Variants in PRKN observed in about 807,000 individuals in gnomAD.
The protein encoded by PRKN is parkin RBR E3 ubiquitin protein ligase.
A neutral mutation model predicts 59.5 loss-of-function variants in PRKN; 56 were observed. That is an observed-to-expected ratio of 0.94 (90% CI 0.76 to 1.18). PRKN has a LOEUF of 1.18. Among genes scored for constraint, PRKN ranks in the 50% most tolerant of loss-of-function variants. PRKN has a pLI of 0.00. For synonymous variants in PRKN, 250 were observed against 222.1 expected (o/e 1.13, Z -1.12); for missense variants, 657 against 596.4 (o/e 1.10, Z -1.06).
At chr6:162,227,829 C>G (rs530720155) in intron 3 of PRKN, among the ~76,000 whole-genome samples, 2 of 152,010 alleles carry the variant, frequency 1.3e-5, no homozygotes, top group African/African-American at 4.8e-5. Context: ...AACGTGCATG[C>G]CTTCTGGACA....
chr6:162,441,930 ATTAT>A (rs1338163218), intron 2 of PRKN, among the ~76,000 whole-genome samples: 2 of 152,144 alleles, frequency 1.3e-5, no homozygotes, highest in African/African-American at 2.4e-5. Context: ...CTGTTTTAAA[ATTAT>A]TTATTTGTGA....
chr6:161,634,999 C>T (rs116470278), intron 7 of PRKN, among the ~76,000 whole-genome samples: 1,869 of 152,166 alleles, frequency 0.012, 33 homozygotes, highest in African/African-American at 0.043. Flanking sequence ...GATGTTGAAG[C>T]GGGCAGACGG....
rs535778732 is a variant in PRKN at position 161,638,195 on chromosome 6, C to T, written c.872-68779G>A. On this transcript the variant is annotated intron_variant, in intron 7 of 11. Transcript: ENST00000366898. ...TTGCCCAGGCTGGAGTGCAGTGGCA[C>T]GATCTCAGCTCACTGCAACCTCCAC... Among the ~76,000 whole-genome samples the T allele has an allele frequency of 8.0e-4, 122 of 152,016 alleles. 1 individual carries two copies. In the South Asian group the frequency reaches 0.022, roughly 27 times the overall value.
At chr6:161,854,634 G>C (rs866854039) in intron 6 of PRKN, among the ~76,000 whole-genome samples, 3 of 152,060 alleles carry the variant, frequency 2.0e-5, no homozygotes, top group African/African-American at 7.2e-5. Context: ...TTTTTTAAGA[G>C]AGTAAAGAAT....
In PRKN at chr6:162,204,783, A is replaced by C. The variant is rs1236368607; in HGVS notation, c.413-3531T>G. ...GAGTTCAGGGCCCTTTTAAAGCGTGAGTCACCGTGGCCATTCAGAGGTCCA... is the reference window on the plus strand; with the variant it reads ...GAGTTCAGGGCCCTTTTAAAGCGTGCGTCACCGTGGCCATTCAGAGGTCCA... On this transcript the variant is annotated intron_variant, in intron 3 of 11. Coordinates refer to ENST00000366898, the MANE Select transcript of PRKN (RefSeq NM_004562.3). Among the ~76,000 whole-genome samples the C allele has an allele frequency of 2.0e-5, 3 of 151,360 alleles. No individual in the cohort carries two copies. In the East Asian group the frequency reaches 5.9e-4, roughly 30 times the overall value.
chr6:162,136,187 A>G lies in PRKN; in HGVS notation c.534+64944T>C, dbSNP rs567052380. ...TCTATAATATAGAAATTGTATAGGT[A>G]TAATTTTATATATATTGTGTGTTCA... On this transcript the variant is annotated intron_variant, in intron 4 of 11. Coordinates refer to ENST00000366898, the MANE Select transcript of PRKN (RefSeq NM_004562.3). Among the ~76,000 whole-genome samples, 208 of 151,514 alleles carry G rather than the reference A, an allele frequency of 1.4e-3. 1 individual carries two copies. The highest frequency in any genetic ancestry group is 1.9e-3 in the Non-Finnish European group (132 of 67,842).
intron 7 of PRKN, among the ~76,000 whole-genome samples, chr6:161,737,236 G>A (rs2982903): frequency 0.15 from 23,376 of 152,200 alleles, 2,267 homozygotes; most frequent in Middle Eastern, 0.26. Context: ...AAGGCAAGGG[G>A]AATCCACTTA....
rs138101026 is a variant in PRKN, at chr6:162,395,634, C to A, written c.171+47676G>T. ...CTAGGCCATACGTTTTGAAGTAACT[C>A]ATTATGCAGCCATAGACACTGATAC... On this transcript the variant is annotated intron_variant, in intron 2 of 11. Coordinates refer to ENST00000366898, the MANE Select transcript of PRKN (RefSeq NM_004562.3). 3.3e-3 allele frequency among the ~76,000 whole-genome samples: 498 copies of A among 152,036 alleles called. 2 individuals carry two copies. The highest frequency in any genetic ancestry group is 5.4e-3 in the Non-Finnish European group (365 of 67,998).
At position 161,588,959 on chromosome 6, in the gene PRKN, T is replaced by C. The variant is rs1781617995; in HGVS notation, c.872-19543A>G. ...GCAAATGTAACCGGTATCCTCTAGT[T>C]TATCTGGCAGCCTTACCAAGCCATA... On this transcript the variant is annotated intron_variant, in intron 7 of 11. Coordinates refer to ENST00000366898, the MANE Select transcript of PRKN (RefSeq NM_004562.3). The surrounding 1 kb of genome is among the most constrained non-coding windows in gnomAD (Gnocchi z 5.0). 6.6e-6 allele frequency among the ~76,000 whole-genome samples: 1 copy of C among 152,196 alleles called. No homozygotes were observed. Among genetic ancestry groups the C allele is most frequent in the Admixed American group, 6.5e-5 (1 of 15,282 alleles).
intron 5 of PRKN, among the ~76,000 whole-genome samples, chr6:162,004,178 C>T (rs964669912): frequency 2.0e-5 from 3 of 152,160 alleles, no homozygotes; most frequent in Non-Finnish European, 4.4e-5. Flanking sequence ...AGCACTATCC[C>T]ACTTGGTACT....
rs765131258 is a variant in PRKN, at chr6:161,400,761, A to C, written c.1084-13884T>G. 6.6e-6 allele frequency among the ~76,000 whole-genome samples: 1 copy of C among 152,144 alleles called. No individual in the cohort carries two copies. Among genetic ancestry groups the C allele is most frequent in the Non-Finnish European group, 1.5e-5 (1 of 68,020 alleles). On this transcript the variant is annotated intron_variant, in intron 9 of 11. Transcript: ENST00000366898. This position sits in a 1 kb window ranked among gnomAD's most constrained non-coding sequence, Gnocchi z 4.2. ...AAAGAGCTGCAGGGGACAGAAAATC[A>C]GTCAAATTAAAGAAAATATGAGGCG... is the stretch of plus-strand genomic sequence containing the variant.
At chr6:162,097,521 T>C (rs4314474) in intron 4 of PRKN, among the ~76,000 whole-genome samples, 104,520 of 152,058 alleles carry the variant, frequency 0.69, 35,968 homozygotes, top group East Asian at 0.83. Context: ...TCCGTAATGG[T>C]GGTTAAGGAA....
In PRKN at chr6:161,409,934, G is replaced by A. The variant is rs1236035101; in HGVS notation, c.1084-23057C>T. ...TGCTTTTCAGGTGAGAAGCAGAATT[G>A]GAAAATATTTCAGGGAGTATTTGAA... On this transcript the variant is annotated intron_variant, in intron 9 of 11. Coordinates refer to ENST00000366898, the MANE Select transcript of PRKN (RefSeq NM_004562.3). This position sits in a 1 kb window ranked among gnomAD's most constrained non-coding sequence, Gnocchi z 4.6. Among the ~76,000 whole-genome samples the A allele has an allele frequency of 6.6e-6, 1 of 152,144 alleles. No homozygotes were observed. The highest frequency in any genetic ancestry group is 1.5e-5 in the Non-Finnish European group (1 of 68,024).
At chr6:162,122,685 A>C (rs1780962961) in intron 4 of PRKN, among the ~76,000 whole-genome samples, 1 of 152,088 alleles carries the variant, frequency 6.6e-6, no homozygotes, top group South Asian at 2.1e-4. Flanking sequence ...TCAGTAGGTG[A>C]CAACATTTGG....
chr6:161,724,165 G>A (rs1583057342), intron 7 of PRKN, among the ~76,000 whole-genome samples: 1 of 152,240 alleles, frequency 6.6e-6, no homozygotes, highest in Non-Finnish European at 1.5e-5. Context: ...CATGGAATAA[G>A]AGTCCTTATC....
At chr6:161,899,840 G>A (rs990999103) in intron 6 of PRKN, among the ~76,000 whole-genome samples, 17 of 152,126 alleles carry the variant, frequency 1.1e-4, no homozygotes, top group Admixed American at 2.0e-4. Flanking sequence ...ATGGACAACC[G>A]GGCCGGGCCA....
intron 2 of PRKN, among the ~76,000 whole-genome samples, chr6:162,438,414 T>G (rs1288974642): frequency 6.6e-6 from 1 of 152,220 alleles, no homozygotes; most frequent in Non-Finnish European, 1.5e-5. Flanking sequence ...AATTCCTTTT[T>G]TTGTTGTTTC....
At chr6:162,725,568 T>A (rs200004476) in intron 1 of PRKN, among the ~76,000 whole-genome samples, 3 of 152,234 alleles carry the variant, frequency 2.0e-5, no homozygotes, top group East Asian at 1.9e-4. Flanking sequence ...GAGACCAGCC[T>A]GGGCAACATT....
intron 6 of PRKN, among the ~76,000 whole-genome samples, chr6:161,937,293 T>C (rs141127521): frequency 1.4e-4 from 21 of 152,344 alleles, no homozygotes; most frequent in African/African-American, 4.8e-4. Flanking sequence ...TAATTCCATT[T>C]TTTTTCCACA....
Sources: gnomAD v4.1 joint callset for allele counts (sites outside exome capture counted in the v4.1 genomes callset) on GRCh38, gnomAD v4.1.1 for gene constraint, Gnocchi (gnomAD v3.1) non-coding constraint, MANE v1.5 for transcripts, NCBI Gene and HGNC (gene_info 2026-07-23, HGNC 2026-07-21) for gene names.